LINGO1: variants seen among roughly 807,000 people sequenced by gnomAD.
LINGO1 encodes leucine rich repeat and Ig domain containing 1.
A neutral mutation model predicts 37.3 loss-of-function variants in LINGO1; 11 were observed. The observed-to-expected ratio is 0.29, with a 90% CI of 0.19 to 0.49. The LOEUF is 0.49. Ranked by LOEUF, LINGO1 falls within the 20% of genes least tolerant of loss-of-function variation. The pLI, the probability that LINGO1 is intolerant of heterozygous loss-of-function variation, is 0.99. For synonymous variants in LINGO1, 387 were observed against 403.0 expected, an observed-to-expected ratio of 0.96 and a Z score of 0.48; for missense variants, 585 against 878.2, an observed-to-expected ratio of 0.67 and a Z score of 4.22.
intron 1 of LINGO1, among the ~76,000 whole-genome samples, chr15:77,750,906 T>C (rs2076364561): frequency 6.6e-6 from 1 of 152,176 alleles, no homozygotes; most frequent in South Asian, 2.1e-4. Flanking sequence ...CTGTGAAGCC[T>C]ACACTGAAGG....
chr15:77,699,850 A>C (rs890798889), upstream of LINGO1, among the ~76,000 whole-genome samples: 1 of 149,976 alleles, frequency 6.7e-6, no homozygotes, highest in Admixed American at 6.6e-5. Flanking sequence ...CAAACACACT[A>C]AGTGCTCAAT....
intron 2 of LINGO1, among the ~76,000 whole-genome samples, chr15:77,705,306 G>A (rs530526126): frequency 6.6e-5 from 10 of 152,070 alleles, no homozygotes; most frequent in African/African-American, 2.4e-4. Flanking sequence ...GATGCTCCTT[G>A]GCTCCCACCT....
intron 1 of LINGO1, among the ~76,000 whole-genome samples, chr15:77,623,044 C>A (rs2073972891): frequency 6.6e-6 from 1 of 152,200 alleles, no homozygotes; most frequent in African/African-American, 2.4e-5. Flanking sequence ...GCTCCACACT[C>A]CCAGGCCCTG....
intron 1 of LINGO1, among the ~76,000 whole-genome samples, chr15:77,760,196 C>T (rs1044021776): frequency 2.0e-5 from 3 of 151,050 alleles, no homozygotes; most frequent in Non-Finnish European, 2.9e-5. Flanking sequence ...GGGTGCCTGC[C>T]GGGGTTGGGG....
intron 1 of LINGO1, among the ~76,000 whole-genome samples, chr15:77,694,820 C>A (rs182617206): frequency 1.3e-5 from 2 of 152,344 alleles, no homozygotes; most frequent in East Asian, 3.9e-4. Flanking sequence ...CCAGGGGCAA[C>A]CAGAGCCCAC....
At chr15:77,699,713 CCA>C (rs2075752843), upstream of LINGO1, among the ~76,000 whole-genome samples, 2 of 714 alleles carry the variant, frequency 2.8e-3, no homozygotes, top group Non-Finnish European at 8.7e-3. Context: ...ACCATCATTC[CCA>C]CACACAATAA....
intron 3 of LINGO1, chr15:77,647,848 T>G (rs1225630922): frequency 4.4e-6 from 2 of 456,620 alleles, no homozygotes; most frequent in South Asian, 3.1e-5. Flanking sequence ...GCACTTTTCC[T>G]GGAAGGGAAC....
At chr15:77,810,359 CACAG>C (rs1567596310) in intron 1 of LINGO1, among the ~76,000 whole-genome samples, 6 of 152,008 alleles carry the variant, frequency 3.9e-5, no homozygotes, top group Non-Finnish European at 8.8e-5. Flanking sequence ...CACACACACA[CACAG>C]AGGAATCTAG....
upstream of LINGO1, among the ~76,000 whole-genome samples, chr15:77,635,010 T>A (rs1322836417): frequency 3.3e-5 from 5 of 152,138 alleles, no homozygotes; most frequent in Admixed American, 3.3e-4. Context: ...CCTGCCTCAG[T>A]GATCTCGGCG....
chr15:77,651,257 A>G (rs1465875853), intron 3 of LINGO1: 1 of 152,260 alleles, frequency 6.6e-6, no homozygotes, highest in African/African-American at 2.4e-5. Context: ...GAATGACAGA[A>G]GACTGAATGA....
intron 2 of LINGO1, among the ~76,000 whole-genome samples, chr15:77,718,955 G>A (rs2076016984): frequency 6.6e-6 from 1 of 150,734 alleles, no homozygotes; most frequent in Non-Finnish European, 1.5e-5. Flanking sequence ...GGCTGGGCTG[G>A]GGTGGAGGGA....
At chr15:77,756,813 G>T (rs747933393) in intron 1 of LINGO1, among the ~76,000 whole-genome samples, 1 of 152,164 alleles carries the variant, frequency 6.6e-6, no homozygotes, top group Non-Finnish European at 1.5e-5. Flanking sequence ...TCCCTAGAGG[G>T]CACTGAATGT....
intron 3 of LINGO1, among the ~76,000 whole-genome samples, chr15:77,653,802 T>C (rs1344770159): frequency 6.8e-6 from 1 of 146,654 alleles, no homozygotes; most frequent in Non-Finnish European, 1.5e-5. Flanking sequence ...AGGGGTTGGA[T>C]CTCTTTGGAG....
intron 3 of LINGO1, among the ~76,000 whole-genome samples, chr15:77,665,798 C>A (rs375277829): frequency 6.6e-6 from 1 of 152,234 alleles, no homozygotes; most frequent in Non-Finnish European, 1.5e-5. Flanking sequence ...GGCCTTTGCA[C>A]AGGCAGTTCC....
intron 1 of LINGO1, among the ~76,000 whole-genome samples, chr15:77,768,690 C>G (rs1001562016): frequency 9.9e-5 from 15 of 152,110 alleles, no homozygotes; most frequent in African/African-American, 3.4e-4. Context: ...CCCTACCTCC[C>G]GACTCTGTCT....
chr15:77,754,410 C>T (rs1057455658), intron 1 of LINGO1, among the ~76,000 whole-genome samples: 3 of 152,170 alleles, frequency 2.0e-5, no homozygotes, highest in African/African-American at 7.2e-5. Flanking sequence ...CCACCGTCCG[C>T]TTCTGAATAA....
chr15:77,746,343 T>C (rs529665961), intron 1 of LINGO1, among the ~76,000 whole-genome samples: 1 of 152,268 alleles, frequency 6.6e-6, no homozygotes, highest in South Asian at 2.1e-4. Flanking sequence ...CCTCACTTTG[T>C]TCCATGAATT....
intron 1 of LINGO1, among the ~76,000 whole-genome samples, chr15:77,695,199 C>T (rs2075669914): frequency 6.6e-6 from 1 of 152,140 alleles, no homozygotes; most frequent in Non-Finnish European, 1.5e-5. Flanking sequence ...CCGACTGATT[C>T]CAAAGGTCCG....
At chr15:77,664,805 G>C (rs1330960363) in intron 3 of LINGO1, among the ~76,000 whole-genome samples, 3 of 152,228 alleles carry the variant, frequency 2.0e-5, no homozygotes, top group Non-Finnish European at 2.9e-5. Flanking sequence ...AAGTTCCGGA[G>C]CATCTGACTC....
Sources: allele counts gnomAD v4.1 joint callset (sites outside exome capture counted in the v4.1 genomes callset), GRCh38; gene constraint gnomAD v4.1.1; transcripts MANE v1.5; gene names NCBI Gene and HGNC (gene_info 2026-07-23, HGNC 2026-07-21).